CBFB: variants seen among roughly 807,000 people sequenced by gnomAD.
CBFB encodes the protein CBF-beta.
Under a neutral mutation model 30.4 loss-of-function variants are expected in CBFB, and 9 were observed. The observed-to-expected ratio is 0.30, with a 90% CI of 0.18 to 0.52. The LOEUF is 0.52. CBFB is among the 20% of genes least tolerant of loss of function. The pLI, the probability that CBFB is intolerant of heterozygous loss-of-function variation, is 0.97. For missense variants in CBFB, 170 were observed against 244.0 expected (o/e 0.70, Z 2.02); for synonymous variants, 94 against 84.0 (o/e 1.12, Z -0.65).
chr16:67,084,744 A>C (rs1240493050), intron 5 of CBFB, among the ~76,000 whole-genome samples: 3 of 152,108 alleles, frequency 2.0e-5, no homozygotes, highest in Non-Finnish European at 4.4e-5. Flanking sequence ...CTATTGTTTA[A>C]ATTAAGGTGT....
At chr16:67,063,753 T>C (rs1367060892) in intron 3 of CBFB, among the ~76,000 whole-genome samples, 2 of 152,174 alleles carry the variant, frequency 1.3e-5, no homozygotes, top group Non-Finnish European at 2.9e-5. Flanking sequence ...ATTCTATAAG[T>C]ACTATTTTAA....
chr16:67,035,362 G>A (rs1355426673), intron 2 of CBFB, among the ~76,000 whole-genome samples: 2 of 152,174 alleles, frequency 1.3e-5, no homozygotes, highest in Non-Finnish European at 1.5e-5. Flanking sequence ...GGGATTACGA[G>A]TGTGAACCAC....
chr16:67,086,478 A>G (rs910155124), intron 5 of CBFB, among the ~76,000 whole-genome samples: 2 of 152,168 alleles, frequency 1.3e-5, no homozygotes, highest in African/African-American at 2.4e-5. Flanking sequence ...TGGCAATCCC[A>G]TGAGATGGAG....
At chr16:67,043,377 AT>A (rs1341049144) in intron 3 of CBFB, among the ~76,000 whole-genome samples, 1 of 152,212 alleles carries the variant, frequency 6.6e-6, no homozygotes, top group African/African-American at 2.4e-5. Flanking sequence ...CCTTTTATTC[AT>A]TCTGTTGCTT....
chr16:67,082,296 G>C lies in CBFB; in HGVS notation c.483G>C (p.Arg161=). The C allele has an allele frequency of 6.2e-7, 1 of 1,612,336 alleles. No individual in the cohort carries two copies. Among genetic ancestry groups the C allele is most frequent in the Non-Finnish European group, 8.5e-7 (1 of 1,178,652 alleles). The change falls in exon 5 of 6, where the codon CGG becomes CGC. Residue 161 remains arginine (R), a synonymous_variant. Coordinates refer to ENST00000412916, the MANE Select transcript of CBFB (RefSeq NM_022845.3). The stretch of plus-strand genomic sequence containing the variant: ...TTGAAGATAGAGACAGGTCTCATCG[G>C]GAGGAAATGGAGGTGAGAGTTTCAC... The part of the protein sequence containing the change: ...REFEDRDRSH[R]EEMEARRQQD...
intron 3 of CBFB, among the ~76,000 whole-genome samples, chr16:67,052,303 C>T (rs1265025316): frequency 6.6e-6 from 1 of 152,188 alleles, no homozygotes. Context: ...AGTGCAGTTA[C>T]TCATGCCTGT....
intron 5 of CBFB, among the ~76,000 whole-genome samples, chr16:67,092,962 C>T (rs1266714537): frequency 2.0e-5 from 3 of 152,198 alleles, no homozygotes; most frequent in East Asian, 3.9e-4. Context: ...ATCTGCCCGC[C>T]TTGGCCTTCC....
intron 5 of CBFB, among the ~76,000 whole-genome samples, chr16:67,085,020 G>A (rs1961681501): frequency 6.6e-6 from 1 of 151,594 alleles, no homozygotes. Flanking sequence ...TAGGTGTCAG[G>A]TGCTATTATT....
intron 5 of CBFB, among the ~76,000 whole-genome samples, chr16:67,088,521 C>T (rs1181877974): frequency 6.6e-6 from 1 of 152,194 alleles, no homozygotes; most frequent in African/African-American, 2.4e-5. Flanking sequence ...TGCACAAATA[C>T]AGCTTAGCGC....
chr16:67,071,057 A>G (rs886397809), intron 4 of CBFB, among the ~76,000 whole-genome samples: 3 of 152,170 alleles, frequency 2.0e-5, no homozygotes, highest in African/African-American at 7.2e-5. Context: ...TAGGAGTTAT[A>G]CAGTGTATAG....
chr16:67,091,671 G>A (rs183498340), intron 5 of CBFB, among the ~76,000 whole-genome samples: 3 of 152,244 alleles, frequency 2.0e-5, no homozygotes, highest in South Asian at 2.1e-4. Context: ...AACAGCTCTC[G>A]CAGTCTGCTT....
intron 3 of CBFB, among the ~76,000 whole-genome samples, chr16:67,049,958 A>G (rs1966708919): frequency 6.6e-6 from 1 of 151,944 alleles, no homozygotes; most frequent in South Asian, 2.1e-4. Context: ...TTAACCTTCA[A>G]AAGTCGTATT....
intron 4 of CBFB, among the ~76,000 whole-genome samples, chr16:67,071,735 G>A (rs1419802431): frequency 1.3e-5 from 2 of 152,208 alleles, no homozygotes; most frequent in African/African-American, 4.8e-5. Context: ...GATAGCATAT[G>A]TAAAGGGCTG....
intron 4 of CBFB, among the ~76,000 whole-genome samples, chr16:67,076,402 TA>T (rs1385813355): frequency 6.6e-6 from 1 of 152,072 alleles, no homozygotes; most frequent in Admixed American, 6.6e-5. Context: ...ATAAATAATT[TA>T]AAAAACATCA....
At chr16:67,039,721 T>C (rs1233156467) in intron 3 of CBFB, among the ~76,000 whole-genome samples, 2 of 152,194 alleles carry the variant, frequency 1.3e-5, no homozygotes, top group East Asian at 3.8e-4. Context: ...TTAGAAGTTT[T>C]TTTTTCTGTG....
chr16:67,079,062 C>T (rs1230147642), intron 4 of CBFB, among the ~76,000 whole-genome samples: 2 of 152,170 alleles, frequency 1.3e-5, no homozygotes, highest in Non-Finnish European at 2.9e-5. Flanking sequence ...CTACCTCTGG[C>T]TTATATTATG....
intron 3 of CBFB, among the ~76,000 whole-genome samples, chr16:67,065,040 G>A (rs1961014564): frequency 6.6e-6 from 1 of 152,148 alleles, no homozygotes; most frequent in Non-Finnish European, 1.5e-5. Context: ...TGGGATTATA[G>A]CTGTGCGCTA....
At chr16:67,075,282 CACAG>C (rs917179028) in intron 4 of CBFB, among the ~76,000 whole-genome samples, 4 of 150,622 alleles carry the variant, frequency 2.7e-5, no homozygotes, top group Admixed American at 6.7e-5. Context: ...TGAAAGGAAA[CACAG>C]ACAACCTAAA....
chr16:67,076,980 T>C (rs141947606), intron 4 of CBFB, among the ~76,000 whole-genome samples: 710 of 152,322 alleles, frequency 4.7e-3, no homozygotes, highest in Middle Eastern at 0.01. Flanking sequence ...ATAAAGATAT[T>C]TGTAAGTTAT....
Sources: gnomAD v4.1 joint callset for allele counts (sites outside exome capture counted in the v4.1 genomes callset) on GRCh38, gnomAD v4.1.1 for gene constraint, MANE v1.5 for transcripts, NCBI Gene and HGNC (gene_info 2026-07-23, HGNC 2026-07-21) for gene names.